Variants in TNRC18 observed in about 807,000 individuals in gnomAD.
The protein encoded by TNRC18 is trinucleotide repeat-containing gene 18 protein.
A neutral mutation model predicts 226.7 loss-of-function variants in TNRC18; 69 were observed. The observed-to-expected ratio is 0.30, with a 90% confidence interval of 0.25 to 0.37. The LOEUF (loss-of-function observed/expected upper bound fraction) is 0.37, where lower values mean the gene tolerates loss of function less well. Ranked by LOEUF, TNRC18 falls within the 10% of genes least tolerant of loss-of-function variation. TNRC18 has a pLI of 1.00. For missense variants in TNRC18, 4,754 were observed against 4,256.6 expected, an observed-to-expected ratio of 1.12 and a Z score of -3.25; for synonymous variants, 2,449 against 1,927.6, an observed-to-expected ratio of 1.27 and a Z score of -7.09.
intron 2 of TNRC18, among the ~76,000 whole-genome samples, chr7:5,398,787 T>G (rs1027360527): frequency 6.7e-6 from 1 of 149,736 alleles, no homozygotes; most frequent in African/African-American, 2.5e-5. Flanking sequence ...CCCACTAATT[T>G]TTTTCTTTCT....
rs1792455838 is a variant in TNRC18 at position 5,356,808 on chromosome 7, G to C, written c.5194+108C>G. ...GTAGTGCGCCCCAGAGAGAGAGCGAGAGCGAGAGAGAGAGTGAGGGGCGGG... is the reference window on the plus strand; with the variant it reads ...GTAGTGCGCCCCAGAGAGAGAGCGACAGCGAGAGAGAGAGTGAGGGGCGGG... On this transcript the variant is annotated intron_variant, in intron 16 of 29. Coordinates refer to ENST00000430969, the MANE Select transcript of TNRC18 (RefSeq NM_001080495.3). 5 of 1,382,538 alleles carry C rather than the reference G, an allele frequency of 3.6e-6. No homozygotes were observed. The South Asian group carries it at 7.5e-5, about 21-fold the overall frequency. 85.6% of individuals were successfully genotyped at this position (1,382,538 alleles called of 1,614,324 possible).
At chr7:5,337,799 A>C (rs1485520920) in intron 18 of TNRC18, among the ~76,000 whole-genome samples, 3 of 152,094 alleles carry the variant, frequency 2.0e-5, no homozygotes, top group African/African-American at 7.2e-5. Context: ...CCTGGCCAAG[A>C]TGGTGAAACC....
intron 18 of TNRC18, among the ~76,000 whole-genome samples, chr7:5,336,171 C>G (rs978778769): frequency 2.0e-5 from 3 of 150,610 alleles, no homozygotes; most frequent in African/African-American, 7.3e-5. Flanking sequence ...CACACCACTG[C>G]ACTCCAGCCT....
chr7:5,397,453 A>G (rs1780773776), intron 2 of TNRC18, among the ~76,000 whole-genome samples: 1 of 152,102 alleles, frequency 6.6e-6, no homozygotes, highest in East Asian at 1.9e-4. Context: ...AATGGCACCC[A>G]AAGCCCCTCC....
chr7:5,382,449 C>T (rs1227660645), intron 5 of TNRC18, among the ~76,000 whole-genome samples: 1 of 152,188 alleles, frequency 6.6e-6, no homozygotes, highest in Non-Finnish European at 1.5e-5. Context: ...ATTAGGAACC[C>T]AAGGCTCACG....
chr7:5,347,189 ATTTT>A, intron 17 of TNRC18, among the ~76,000 whole-genome samples: 1 of 132,300 alleles, frequency 7.6e-6, no homozygotes, highest in East Asian at 2.1e-4. Flanking sequence ...AAAAAAAAAA[ATTTT>A]TTTTTTTTTT....
chr7:5,417,421 G>T, intron 2 of TNRC18, among the ~76,000 whole-genome samples: 1 of 148,782 alleles, frequency 6.7e-6, no homozygotes, highest in East Asian at 2.0e-4. Flanking sequence ...AATGAGCTGA[G>T]ATCACGCTAT....
In TNRC18 at chr7:5,420,652, A is replaced by G. The variant is rs1302089110; in HGVS notation, c.187+408T>C. The G allele has an allele frequency of 6.4e-6, 3 of 467,308 alleles. No homozygotes were observed. In the East Asian group the frequency reaches 2.0e-4, roughly 31 times the overall value. The allele number at this position is 467,308 out of a possible 1,614,324, so 28.9% of individuals were successfully genotyped here. ...AACCCAGGAGGGCCCACGAGCGCCA[A>G]AAGTAGCGTTTGCCAAGAAAAAGAT... On this transcript the variant is annotated intron_variant, in intron 2 of 29. Transcript: ENST00000430969.
At chr7:5,414,542 A>G (rs1372836076) in intron 2 of TNRC18, among the ~76,000 whole-genome samples, 2 of 151,896 alleles carry the variant, frequency 1.3e-5, no homozygotes, top group African/African-American at 4.8e-5. Context: ...CCTCCAGAGT[A>G]GCTGGGACTG....
At position 5,384,501 on chromosome 7, in the gene TNRC18, C is replaced by G. The variant is rs1368777471; in HGVS notation, c.2152+3171G>C. The stretch of plus-strand genomic sequence containing the variant: ...ATCCCAAACCTCTGGCACACCCTCC[C>G]TCCCTCCCTCACATTCGCATGTCCC... On this transcript the variant is annotated intron_variant, in intron 5 of 29. Coordinates refer to ENST00000430969, the MANE Select transcript of TNRC18 (RefSeq NM_001080495.3). Among the ~76,000 whole-genome samples the G allele has an allele frequency of 2.0e-5, 3 of 152,084 alleles. No homozygotes were observed. In the East Asian group the frequency reaches 5.8e-4, roughly 29 times the overall value.
chr7:5,406,962 C>G (rs1781513744), intron 2 of TNRC18, among the ~76,000 whole-genome samples: 1 of 152,212 alleles, frequency 6.6e-6, no homozygotes, highest in African/African-American at 2.4e-5. Flanking sequence ...TGCCAGCCCC[C>G]AGCGTTCCTG....
chr7:5,423,085 C>T (rs569036671), intron 1 of TNRC18: 12 of 152,248 alleles, frequency 7.9e-5, no homozygotes, highest in East Asian at 5.8e-4. Flanking sequence ...GTTAAAATGG[C>T]TGAATTCCGG....
chr7:5,331,217 G>C (rs1042578565), intron 19 of TNRC18, among the ~76,000 whole-genome samples: 1 of 152,080 alleles, frequency 6.6e-6, no homozygotes, highest in Non-Finnish European at 1.5e-5. Context: ...AAGGGCTCAG[G>C]GTGGAGAGGT....
At chr7:5,353,251 G>A (rs1226923476) in intron 16 of TNRC18, among the ~76,000 whole-genome samples, 3 of 152,226 alleles carry the variant, frequency 2.0e-5, no homozygotes, top group Non-Finnish European at 4.4e-5. Context: ...AGAACCCACA[G>A]GGAGGTCGGG....
chr7:5,416,668 C>T (rs1351342487), intron 2 of TNRC18, among the ~76,000 whole-genome samples: 5 of 150,368 alleles, frequency 3.3e-5, no homozygotes, highest in African/African-American at 1.2e-4. Context: ...CCAGCCTGGC[C>T]AACACGGTAA....
chr7:5,334,702 A>C (rs1789909282), intron 18 of TNRC18, among the ~76,000 whole-genome samples: 1 of 152,082 alleles, frequency 6.6e-6, no homozygotes, highest in African/African-American at 2.4e-5. Context: ...GGTATGACAG[A>C]ATGAGGTACC....
At chr7:5,418,478 G>A (rs1022919511) in intron 2 of TNRC18, among the ~76,000 whole-genome samples, 1 of 152,036 alleles carries the variant, frequency 6.6e-6, no homozygotes, top group African/African-American at 2.4e-5. Context: ...ATCTTTCTCC[G>A]AGGGCCCCTC....
chr7:5,374,949 A>G (rs1794508695), intron 9 of TNRC18, among the ~76,000 whole-genome samples: 1 of 152,218 alleles, frequency 6.6e-6, no homozygotes, highest in Admixed American at 6.5e-5. Flanking sequence ...CATGTCTTTT[A>G]TGAGGAAATG....
intron 18 of TNRC18, among the ~76,000 whole-genome samples, chr7:5,338,562 G>T (rs1790344418): frequency 6.8e-6 from 1 of 147,222 alleles, no homozygotes; most frequent in Non-Finnish European, 1.5e-5. Flanking sequence ...ACAGGTAGAG[G>T]TTGCAGTGAG....
Sources: gnomAD v4.1 joint callset for allele counts (sites outside exome capture counted in the v4.1 genomes callset) on GRCh38, gnomAD v4.1.1 for gene constraint, MANE v1.5 for transcripts, NCBI Gene and HGNC (gene_info 2026-07-23, HGNC 2026-07-21) for gene names.